FAM193A: variants seen among roughly 807,000 people sequenced by gnomAD.
FAM193A encodes protein FAM193A.
Under a neutral mutation model 126.5 loss-of-function variants are expected in FAM193A, and 22 were observed. That is an observed-to-expected ratio of 0.17 (90% CI 0.12 to 0.25). The LOEUF (loss-of-function observed/expected upper bound fraction) is 0.25, where lower values mean the gene tolerates loss of function less well. Ranked by LOEUF, FAM193A falls within the 10% of genes least tolerant of loss-of-function variation. The probability of loss-of-function intolerance (pLI) is 1.00; values close to 1 mark genes in which losing one functional copy is unlikely to be tolerated. For synonymous variants in FAM193A, 761 were observed against 646.8 expected (o/e 1.18, Z -2.68); for missense variants, 1,675 against 1,672.8 (o/e 1.00, Z -0.02).
At chr4:2,577,719 T>C (rs1429597557) in intron 1 of FAM193A, among the ~76,000 whole-genome samples, 4 of 152,104 alleles carry the variant, frequency 2.6e-5, no homozygotes, top group Non-Finnish European at 5.9e-5. Flanking sequence ...ACACCTGACC[T>C]CTGATTCATT....
chr4:2,641,817 T>C lies in FAM193A; in HGVS notation c.1163+1958T>C, dbSNP rs1256637519. On this transcript the variant is annotated intron_variant, in intron 6 of 20. Coordinates refer to ENST00000637812, the MANE Select transcript of FAM193A (RefSeq NM_001366318.2). ...TAAAAGAGAATTGAGGACAAAAAGA[T>C]CAGAAGCTACACGTGCTGGCTCATG... Among the ~76,000 whole-genome samples, 6 of 151,248 alleles carry C rather than the reference T, an allele frequency of 4.0e-5. 1 individual carries two copies. Among genetic ancestry groups the C allele is most frequent in the Non-Finnish European group, 2.9e-5 (2 of 67,880 alleles).
At chr4:2,554,642 A>G (rs1054151360) in intron 1 of FAM193A, among the ~76,000 whole-genome samples, 1 of 151,940 alleles carries the variant, frequency 6.6e-6, no homozygotes. Flanking sequence ...GTTTTTGTCT[A>G]CTAGTTCTTT....
chr4:2,575,271 G>A (rs1275259056), intron 1 of FAM193A, among the ~76,000 whole-genome samples: 2 of 152,194 alleles, frequency 1.3e-5, no homozygotes, highest in African/African-American at 2.4e-5. Context: ...ATGTGCAAAA[G>A]TGTGGTACAC....
intron 6 of FAM193A, among the ~76,000 whole-genome samples, chr4:2,644,560 A>G (rs779881689): frequency 2.6e-4 from 40 of 152,208 alleles, no homozygotes; most frequent in Admixed American, 4.6e-4. Context: ...CCTTAGGAGA[A>G]CAGCTTTGAT....
intron 1 of FAM193A, among the ~76,000 whole-genome samples, chr4:2,559,613 T>C (rs944853697): frequency 1.3e-5 from 2 of 152,080 alleles, no homozygotes; most frequent in Admixed American, 1.3e-4. Flanking sequence ...GCTAGTCTGG[T>C]CTTCCTTACT....
chr4:2,613,345 A>G (rs369408424), intron 2 of FAM193A, among the ~76,000 whole-genome samples: 2 of 149,186 alleles, frequency 1.3e-5, no homozygotes, highest in African/African-American at 2.5e-5. Context: ...AAAAGTTTCA[A>G]TATTTGTTTA....
intron 2 of FAM193A, among the ~76,000 whole-genome samples, chr4:2,604,791 CTTTTTTTT>C (rs869148370): frequency 4.3e-4 from 43 of 99,638 alleles, no homozygotes; most frequent in African/African-American, 1.4e-3. Flanking sequence ...TTTCTTTTTC[CTTTTTTTT>C]TTTTTTTTTT....
At chr4:2,666,616 A>G (rs763474380) in intron 12 of FAM193A, among the ~76,000 whole-genome samples, 5 of 152,196 alleles carry the variant, frequency 3.3e-5, no homozygotes, top group Non-Finnish European at 7.4e-5. Flanking sequence ...GATAGAATTC[A>G]CCAGCAAAAT....
intron 1 of FAM193A, among the ~76,000 whole-genome samples, chr4:2,550,788 T>G (rs1274886224): frequency 0.01 from 853 of 81,948 alleles, 7 homozygotes; most frequent in African/African-American, 0.045. Context: ...TATTTATTTA[T>G]TTATTTATTT....
intron 5 of FAM193A, among the ~76,000 whole-genome samples, chr4:2,634,382 G>A (rs972145710): frequency 2.0e-5 from 3 of 152,046 alleles, no homozygotes; most frequent in African/African-American, 4.8e-5. Context: ...CAGAGAATTC[G>A]AATAGATAAA....
chr4:2,543,508 G>T lies in FAM193A; in HGVS notation c.255+6338G>T, dbSNP rs532567052. On this transcript the variant is annotated intron_variant, in intron 1 of 20. Transcript: ENST00000637812. ...GTCCAGGAGTTTGAGATCAGCCTGG[G>T]TGACGTGGAGAGACCCTCCCCGCCA... 2.8e-3 allele frequency among the ~76,000 whole-genome samples: 429 copies of T among 151,810 alleles called. 1 individual carries two copies. Among genetic ancestry groups the T allele is most frequent in the African/African-American group, 7.8e-3 (323 of 41,406 alleles).
chr4:2,668,012 T>G (rs1577170430), intron 12 of FAM193A, among the ~76,000 whole-genome samples: 1 of 152,150 alleles, frequency 6.6e-6, no homozygotes, highest in Non-Finnish European at 1.5e-5. Flanking sequence ...CAAGCAGTCT[T>G]CCTGCCTCAG....
At chr4:2,709,474 GA>G (rs1359018245) in intron 19 of FAM193A, among the ~76,000 whole-genome samples, 1 of 152,144 alleles carries the variant, frequency 6.6e-6, no homozygotes, top group Non-Finnish European at 1.5e-5. Context: ...TTGGAAAGCC[GA>G]GGAGGGGTGC....
At chr4:2,579,437 C>G (rs1364499897) in intron 1 of FAM193A, among the ~76,000 whole-genome samples, 1 of 152,140 alleles carries the variant, frequency 6.6e-6, no homozygotes, top group Non-Finnish European at 1.5e-5. Context: ...GTGGCTCACA[C>G]CTGTAATCCC....
rs184273336 is a variant in FAM193A, at chr4:2,598,641, T to C, written c.501+2312T>C. On this transcript the variant is annotated intron_variant, in intron 2 of 20. Transcript: ENST00000637812. Reference sequence around the variant, plus strand: ...ATTATCATCTCTTCCTTAAACGTTATTGGTTCTTGCTTTCTGTTTCTCTTG... The same window carrying C: ...ATTATCATCTCTTCCTTAAACGTTACTGGTTCTTGCTTTCTGTTTCTCTTG... 7.2e-5 allele frequency among the ~76,000 whole-genome samples: 11 copies of C among 152,304 alleles called. No homozygotes were observed. The East Asian group carries it at 1.9e-3, about 27-fold the overall frequency.
chr4:2,707,931 GTAGAGACCAGGTTTTAC>G (rs900617663), intron 19 of FAM193A, among the ~76,000 whole-genome samples: 1 of 151,992 alleles, frequency 6.6e-6, no homozygotes, highest in African/African-American at 2.4e-5. Flanking sequence ...TGTATTTTTA[GTAGAGACCAGGTTTTAC>G]TATGTTGGCC....
chr4:2,538,408 G>A (rs538672939), intron 1 of FAM193A, among the ~76,000 whole-genome samples: 21 of 152,220 alleles, frequency 1.4e-4, no homozygotes, highest in Admixed American at 5.2e-4. Context: ...GGCCAGGCTG[G>A]TCTCGAACTC....
chr4:2,535,378 G>T (rs1184721880), upstream of FAM193A, among the ~76,000 whole-genome samples: 3 of 152,202 alleles, frequency 2.0e-5, no homozygotes, highest in Admixed American at 2.0e-4. Context: ...GGGGCGGGTT[G>T]CGGGGACCCA....
intron 1 of FAM193A, among the ~76,000 whole-genome samples, chr4:2,593,185 C>A (rs931863606): frequency 6.6e-6 from 1 of 152,200 alleles, no homozygotes; most frequent in Non-Finnish European, 1.5e-5. Flanking sequence ...ACAGCTGGCT[C>A]CTTCACAGCC....
Sources: gnomAD v4.1 joint callset for allele counts (sites outside exome capture counted in the v4.1 genomes callset) on GRCh38, gnomAD v4.1.1 for gene constraint, MANE v1.5 for transcripts, NCBI Gene and HGNC (gene_info 2026-07-23, HGNC 2026-07-21) for gene names.